LAMC3: variants seen among roughly 807,000 people sequenced by gnomAD.
The protein encoded by LAMC3 is laminin subunit gamma 3.
In LAMC3, 128 loss-of-function variants were observed where a neutral mutation model predicts 173.8. The observed-to-expected ratio is 0.74, with a 90% CI of 0.64 to 0.85. The LOEUF (loss-of-function observed/expected upper bound fraction) is 0.85, where lower values mean the gene tolerates loss of function less well. Among genes scored for constraint, LAMC3 ranks in the 40% least tolerant of loss-of-function variants. The probability of loss-of-function intolerance (pLI) is 0.00; values close to 1 mark genes in which losing one functional copy is unlikely to be tolerated. For missense variants in LAMC3, 2,022 were observed against 2,156.0 expected (o/e 0.94, Z 1.23); for synonymous variants, 897 against 909.1 (o/e 0.99, Z 0.24).
intron 1 of LAMC3, among the ~76,000 whole-genome samples, chr9:131,020,867 C>A (rs529328632): frequency 6.6e-6 from 1 of 152,208 alleles, no homozygotes; most frequent in East Asian, 1.9e-4. Context: ...GTAACACAAA[C>A]GTGGAGTCTG....
intron 13 of LAMC3, among the ~76,000 whole-genome samples, chr9:131,065,080 T>G (rs973694072): frequency 6.1e-5 from 9 of 146,626 alleles, no homozygotes; most frequent in East Asian, 5.9e-4. Flanking sequence ...GAAAAAATCA[T>G]GTAAGCAAGG....
At chr9:131,085,925 G>T in intron 25 of LAMC3, 1 of 644,546 alleles carries the variant, frequency 1.6e-6, no homozygotes, top group Non-Finnish European at 2.8e-6. Context: ...CCATTGTACA[G>T]GTGAGAATGC....
At position 131,091,628 on chromosome 9, in the gene LAMC3, G is replaced by A. The variant is rs774574466; in HGVS notation, c.4569G>A (p.Gly1523=). The A allele has an allele frequency of 8.8e-5, 141 of 1,599,522 alleles. No individual in the cohort carries two copies. The highest frequency in any genetic ancestry group is 3.3e-4 in the Middle Eastern group (2 of 6,060). ...ERLRLQLGSP[G]SLQRKLSLLE... ...TGAGGCTGCAGCTGGGCTCCCCGGG[G>A]TCCTTGCAGAGGAAACTCAGTCTGC... is the stretch of plus-strand genomic sequence containing the variant. The change falls in exon 28 of 28, where the codon GGG becomes GGA. Residue 1523 remains glycine (G), a synonymous_variant. Coordinates refer to ENST00000361069, the MANE Select transcript of LAMC3 (RefSeq NM_006059.4).
At position 131,030,595 on chromosome 9, in the gene LAMC3, T is replaced by G. The variant is rs548633889; in HGVS notation, c.679-1450T>G. On this transcript the variant is annotated intron_variant, in intron 2 of 27. Transcript: ENST00000361069. The stretch of plus-strand genomic sequence containing the variant: ...GGGTTACCCTCTCTGAGCTTCAGTC[T>G]CCTCATCTTTAAATGGGGTTAATAA... Among the ~76,000 whole-genome samples, 86 of 152,308 alleles carry G rather than the reference T, an allele frequency of 5.6e-4. 2 individuals are homozygous for G. In the South Asian group the frequency reaches 0.017, roughly 31 times the overall value.
Position 131,085,675 on chromosome 9 carries a change from CAAG to C in LAMC3, c.4189_4191del (p.Lys1397del), listed in dbSNP as rs755505326. ...ACGCGGCCCCTCTTTCCTCCAGTGC[CAAG>C]AAGAAGGGCAGAGAAGCAGAGGTGT... On this transcript the variant is annotated inframe_deletion, in exon 25 of 28. Coordinates refer to ENST00000361069, the MANE Select transcript of LAMC3 (RefSeq NM_006059.4). The C allele has an allele frequency of 2.5e-6, 4 of 1,614,052 alleles. No homozygotes were observed. Among genetic ancestry groups the C allele is most frequent in the African/African-American group, 2.7e-5 (2 of 74,936 alleles).
At chr9:131,086,395 G>T (rs202108615) in intron 25 of LAMC3, among the ~76,000 whole-genome samples, 81 of 131,660 alleles carry the variant, frequency 6.2e-4, no homozygotes, top group African/African-American at 9.1e-4. Context: ...TTTTGGTTTT[G>T]TTTTTTTTTT....
intron 8 of LAMC3, among the ~76,000 whole-genome samples, chr9:131,047,527 G>A (rs1834193377): frequency 6.6e-6 from 1 of 151,450 alleles, no homozygotes; most frequent in Admixed American, 6.6e-5. Context: ...TGTTTATGTG[G>A]GTGGTTTGTA....
chr9:131,054,917 C>T (rs939744538), intron 11 of LAMC3, among the ~76,000 whole-genome samples: 1 of 152,174 alleles, frequency 6.6e-6, no homozygotes, highest in African/African-American at 2.4e-5. Flanking sequence ...TGTCAGCTAA[C>T]AGTGCGTCGT....
intron 13 of LAMC3, among the ~76,000 whole-genome samples, chr9:131,062,009 C>T (rs993328976): frequency 6.6e-6 from 1 of 152,072 alleles, no homozygotes; most frequent in East Asian, 1.9e-4. Flanking sequence ...CGAGATTTCA[C>T]CACTGCACTC....
chr9:131,026,195 T>C lies in LAMC3; in HGVS notation c.374-90T>C. On this transcript the variant is annotated intron_variant, in intron 1 of 27. Transcript: ENST00000361069. The surrounding 1 kb of genome is among the most constrained non-coding windows in gnomAD (Gnocchi z 4.8). The stretch of plus-strand genomic sequence containing the variant: ...GCTTCCAGCGATCCATCCACGCTAG[T>C]GCCTGCAATGCAGCCGTCTGTCCTT... 1 of 1,578,216 alleles carries C rather than the reference T, an allele frequency of 6.3e-7. No individual in the cohort carries two copies. The highest frequency in any genetic ancestry group is 8.6e-7 in the Non-Finnish European group (1 of 1,163,064).
chr9:131,081,130 T>C (rs542997776), intron 23 of LAMC3, among the ~76,000 whole-genome samples: 12 of 152,308 alleles, frequency 7.9e-5, no homozygotes, highest in Admixed American at 5.2e-4. Flanking sequence ...GTCCAGCTCT[T>C]TTGCAGAAAT....
At chr9:131,010,153 A>C (rs2027173) in intron 1 of LAMC3, among the ~76,000 whole-genome samples, 1,878 of 90,820 alleles carry the variant, frequency 0.021, 25 homozygotes, top group African/African-American at 0.088. Context: ...ACTCCGTCTC[A>C]AAAAAAAAAA....
chr9:131,068,397 C>T (rs770721656), intron 15 of LAMC3, among the ~76,000 whole-genome samples, 166 bp downstream of exon 15: 41 of 152,192 alleles, frequency 2.7e-4, no homozygotes, highest in Non-Finnish European at 5.3e-4. Flanking sequence ...CTCTTGGCAT[C>T]CGACTCATGC....
intron 6 of LAMC3, 60 bp from the exon 7 acceptor site, chr9:131,041,577 G>A (rs570550362): frequency 1.4e-5 from 20 of 1,447,200 alleles, no homozygotes; most frequent in Non-Finnish European, 1.9e-5. Context: ...CCTAGGATGG[G>A]CTGTTGCCAT....
intron 13 of LAMC3, among the ~76,000 whole-genome samples, chr9:131,066,066 A>C (rs989437090): frequency 6.6e-6 from 1 of 152,084 alleles, no homozygotes; most frequent in Non-Finnish European, 1.5e-5. Flanking sequence ...ATGGTGGCAC[A>C]CACCTGTAGT....
intron 8 of LAMC3, among the ~76,000 whole-genome samples, chr9:131,047,501 A>G (rs1834193083): frequency 6.7e-6 from 1 of 150,120 alleles, no homozygotes; most frequent in Non-Finnish European, 1.5e-5. Context: ...AATTATTGAG[A>G]ACCCCAAAGT....
At chr9:131,036,379 T>C in intron 4 of LAMC3, 47 bp downstream of exon 4, 1 of 1,609,206 alleles carries the variant, frequency 6.2e-7, no homozygotes, top group Non-Finnish European at 8.5e-7. Flanking sequence ...AGGCTGGTGT[T>C]GCAGGCGGGG....
chr9:131,030,187 G>A (rs989715207), intron 2 of LAMC3, among the ~76,000 whole-genome samples: 2 of 152,086 alleles, frequency 1.3e-5, no homozygotes, highest in African/African-American at 2.4e-5. Context: ...GGATCTGCCC[G>A]CCTTGGCCTC....
At chr9:131,071,174 G>A (rs891491838) in intron 17 of LAMC3, among the ~76,000 whole-genome samples, 5 of 152,232 alleles carry the variant, frequency 3.3e-5, no homozygotes, top group Admixed American at 1.3e-4. Flanking sequence ...TGGGAACACA[G>A]CGAACAGGAC....
Sources: allele counts gnomAD v4.1 joint callset (sites outside exome capture counted in the v4.1 genomes callset), GRCh38; gene constraint gnomAD v4.1.1; non-coding constraint Gnocchi (gnomAD v3.1); transcripts MANE v1.5; gene names NCBI Gene and HGNC (gene_info 2026-07-23, HGNC 2026-07-21).